Variants in MICAL2 observed in about 807,000 individuals in gnomAD.
The protein encoded by MICAL2 is microtubule associated monooxygenase, calponin and LIM domain containing 2.
Under a neutral mutation model 127.3 loss-of-function variants are expected in MICAL2, and 77 were observed. The ratio of observed to expected loss-of-function variants is 0.60; its 90% CI spans 0.50 to 0.73. The LOEUF is 0.73. Ranked by LOEUF, MICAL2 falls within the 30% of genes least tolerant of loss-of-function variation. MICAL2 has a pLI of 0.00. For synonymous variants in MICAL2, 570 were observed against 551.1 expected, an observed-to-expected ratio of 1.03 and a Z score of -0.48; for missense variants, 1,351 against 1,434.4, an observed-to-expected ratio of 0.94 and a Z score of 0.94.
intron 7 of MICAL2, among the ~76,000 whole-genome samples, chr11:12,215,994 T>C (rs1165836997): frequency 1.3e-5 from 2 of 152,210 alleles, no homozygotes; most frequent in Non-Finnish European, 1.5e-5. Flanking sequence ...TTGTGAGTTT[T>C]AACAGGAATA....
At chr11:12,183,547 G>C (rs1857753736) in intron 3 of MICAL2, among the ~76,000 whole-genome samples, 1 of 152,158 alleles carries the variant, frequency 6.6e-6, no homozygotes, top group Non-Finnish European at 1.5e-5. Flanking sequence ...TGGTGCATTT[G>C]GGGTCTTAAA....
At chr11:12,228,386 G>C (rs1857758673) in intron 15 of MICAL2, among the ~76,000 whole-genome samples, 1 of 152,152 alleles carries the variant, frequency 6.6e-6, no homozygotes, top group African/African-American at 2.4e-5. Context: ...CAGGTCACCT[G>C]CTACTCCGTT....
chr11:12,291,694 A>G (rs540376144), downstream of MICAL2, among the ~76,000 whole-genome samples: 154 of 152,336 alleles, frequency 1.0e-3, no homozygotes, highest in African/African-American at 3.4e-3. Context: ...CCATCTCATT[A>G]GTCGTGGATG....
At chr11:12,154,861 C>T (rs896854898) in intron 2 of MICAL2, among the ~76,000 whole-genome samples, 3 of 152,060 alleles carry the variant, frequency 2.0e-5, no homozygotes, top group Admixed American at 6.5e-5. Flanking sequence ...AAAGGAAGAC[C>T]ATACTATTTC....
intron 8 of MICAL2, 33 bp downstream of exon 8, chr11:12,216,352 C>T (rs373042975): frequency 1.9e-5 from 29 of 1,532,988 alleles, no homozygotes; most frequent in Non-Finnish European, 2.5e-5. Flanking sequence ...TTCCCGACTT[C>T]GCGACCTGGG....
chr11:12,188,642 A>G (rs1336533644), intron 3 of MICAL2, among the ~76,000 whole-genome samples: 1 of 152,198 alleles, frequency 6.6e-6, no homozygotes, highest in Non-Finnish European at 1.5e-5. Flanking sequence ...CTCATTGACA[A>G]TGACACTAAA....
chr11:12,118,923 C>T (rs1850272443), intron 1 of MICAL2, among the ~76,000 whole-genome samples: 1 of 152,178 alleles, frequency 6.6e-6, no homozygotes, highest in South Asian at 2.1e-4. Flanking sequence ...ATGAATGACA[C>T]TGGTATGGAG....
downstream of MICAL2, among the ~76,000 whole-genome samples, chr11:12,266,809 TAGAC>T (rs993432797): frequency 1.3e-5 from 2 of 152,208 alleles, no homozygotes; most frequent in African/African-American, 4.8e-5. Flanking sequence ...TCAGTGGCAT[TAGAC>T]AGGTCCCTTC....
chr11:12,171,173 C>G (rs1021689717), intron 3 of MICAL2, among the ~76,000 whole-genome samples: 2 of 152,128 alleles, frequency 1.3e-5, no homozygotes, highest in South Asian at 4.1e-4. Flanking sequence ...TCAAAAGAGA[C>G]GGGAAGTTAG....
chr11:12,271,514 G>T (rs79199553), upstream of MICAL2, among the ~76,000 whole-genome samples: 710 of 152,254 alleles, frequency 4.7e-3, 9 homozygotes, highest in African/African-American at 0.016. Context: ...TGGCCTGGTG[G>T]GTGTTCTCTC....
intron 2 of MICAL2, among the ~76,000 whole-genome samples, chr11:12,149,689 G>A (rs1028413478): frequency 5.3e-5 from 8 of 152,162 alleles, no homozygotes; most frequent in African/African-American, 1.9e-4. Flanking sequence ...ACTGAGGTTG[G>A]GGCTGCAGGA....
intron 32 of MICAL2, among the ~76,000 whole-genome samples, chr11:12,337,257 T>C (rs1472332292): frequency 2.0e-5 from 3 of 152,260 alleles, no homozygotes; most frequent in African/African-American, 7.2e-5. Context: ...GTTTATAGTA[T>C]TCTCTGATGG....
At position 12,224,816 on chromosome 11, in the gene MICAL2, C is replaced by T; in HGVS notation, c.1684C>T (p.Leu562Phe). 1 of 1,609,970 alleles carries T rather than the reference C, an allele frequency of 6.2e-7. No individual in the cohort carries two copies. The highest frequency in any genetic ancestry group is 8.5e-7 in the Non-Finnish European group (1 of 1,176,510). The part of the protein sequence containing the change: ...CAIIHRFRPE[L>F]INFDSLNEDD... ...CATCATCCACCGCTTCCGGCCTGAG[C>T]TCATGTGAGTCTGGGGCCCAGGCTG... The change falls in exon 13 of 28, where the codon CTC becomes TTC. Residue 562 changes from leucine (L) to phenylalanine (F), a missense_variant. Physicochemically the swap from Leu to Phe is conservative, Grantham distance 22 (BLOSUM62 0). Around this residue, in one of 2 missense-constraint regions of MICAL2, gnomAD observed 599 missense variants for 714.9 expected, o/e 0.84. Coordinates refer to ENST00000683283, the MANE Select transcript of MICAL2 (RefSeq NM_001282663.2).
chr11:12,128,755 A>T (rs1851156740), intron 1 of MICAL2, among the ~76,000 whole-genome samples: 1 of 152,230 alleles, frequency 6.6e-6, no homozygotes, highest in Non-Finnish European at 1.5e-5. Context: ...CAAAAGGAGC[A>T]GAGCCTGACA....
chr11:12,330,305 G>C (rs1042014621), intron 32 of MICAL2, among the ~76,000 whole-genome samples: 1 of 152,180 alleles, frequency 6.6e-6, no homozygotes, highest in Non-Finnish European at 1.5e-5. Flanking sequence ...GAGCTGGCCT[G>C]TGCTGCTCCG....
chr11:12,332,828 C>G (rs1000357945), intron 32 of MICAL2, among the ~76,000 whole-genome samples: 2 of 152,182 alleles, frequency 1.3e-5, no homozygotes, highest in Admixed American at 1.3e-4. Context: ...ATCCTGACCC[C>G]CTTCTTGGAA....
chr11:12,212,300 T>C (rs1327877542), intron 6 of MICAL2, among the ~76,000 whole-genome samples: 1 of 151,892 alleles, frequency 6.6e-6, no homozygotes, highest in East Asian at 1.9e-4. Flanking sequence ...TGAAACTGTG[T>C]CTCCACAAAC....
intron 29 of MICAL2, among the ~76,000 whole-genome samples, chr11:12,306,612 T>A (rs745859874): frequency 3.9e-5 from 6 of 152,234 alleles, no homozygotes; most frequent in Non-Finnish European, 7.3e-5. Flanking sequence ...TCTTTAGAAT[T>A]AATCCCTTTT....
chr11:12,323,464 G>A (rs1864322869), intron 30 of MICAL2, among the ~76,000 whole-genome samples: 1 of 152,052 alleles, frequency 6.6e-6, no homozygotes. Context: ...GTGTATGTCT[G>A]TCTACTTGCC....
Sources: gnomAD v4.1 joint callset for allele counts (sites outside exome capture counted in the v4.1 genomes callset) on GRCh38, gnomAD v4.1.1 for gene constraint, gnomAD v4.1.1 regional missense constraint, MANE v1.5 for transcripts, NCBI Gene and HGNC (gene_info 2026-07-23, HGNC 2026-07-21) for gene names.